Variants in MBOAT1 observed in about 807,000 individuals in gnomAD.
MBOAT1 encodes membrane-bound glycerophospholipid O-acyltransferase 1.
A neutral mutation model predicts 64.4 loss-of-function variants in MBOAT1; 67 were observed. The observed-to-expected ratio is 1.04, with a 90% confidence interval of 0.85 to 1.27. The LOEUF (loss-of-function observed/expected upper bound fraction) is 1.27, where lower values mean the gene tolerates loss of function less well. Ranked by LOEUF, MBOAT1 falls within the 50% of genes most tolerant of loss-of-function variation. The pLI, the probability that MBOAT1 is intolerant of heterozygous loss-of-function variation, is 0.00. For synonymous variants in MBOAT1, 229 were observed against 218.9 expected (o/e 1.05, Z -0.41); for missense variants, 563 against 604.6 (o/e 0.93, Z 0.72).
At chr6:20,107,779 A>G (rs1403629105) in intron 12 of MBOAT1, among the ~76,000 whole-genome samples, 1 of 150,614 alleles carries the variant, frequency 6.6e-6, no homozygotes, top group Non-Finnish European at 1.5e-5. Flanking sequence ...GGCTTAGAAT[A>G]CCAGGGCTTA....
rs758651792 is a variant in MBOAT1 at position 20,124,478 on chromosome 6, C to T, written c.837G>A (p.Pro279=). Residue 279 remains proline, a synonymous_variant, in exon 8 of 13, where the codon CCG becomes CCA. Coordinates refer to ENST00000324607, the MANE Select transcript of MBOAT1 (RefSeq NM_001080480.3). ...CAACATATAAGTAGCAGAGTCGAGCCGGAAAGCTTGCTTTATGGACAAACC... is the reference window on the plus strand; with the variant it reads ...CAACATATAAGTAGCAGAGTCGAGCTGGAAAGCTTGCTTTATGGACAAACC... ...DDWFVHKASF[P]ARLCYLYVVM... 9.9e-6 allele frequency: 16 copies of T among 1,614,040 alleles called. No homozygotes were observed. Among genetic ancestry groups the T allele is most frequent in the African/African-American group, 4.0e-5 (3 of 74,912 alleles).
chr6:20,207,149 A>C (rs1763289660), intron 1 of MBOAT1, among the ~76,000 whole-genome samples: 1 of 152,240 alleles, frequency 6.6e-6, no homozygotes, highest in African/African-American at 2.4e-5. Flanking sequence ...GATTATACTC[A>C]GCAGCTCATT....
chr6:20,113,420 G>C (rs968689032), intron 10 of MBOAT1, among the ~76,000 whole-genome samples: 1 of 152,042 alleles, frequency 6.6e-6, no homozygotes, highest in Non-Finnish European at 1.5e-5. Context: ...TCGGAATCAG[G>C]GTCTTTAGAA....
rs143568466 is a variant in MBOAT1 at position 20,140,937 on chromosome 6, ACT to A, written c.419+3281_419+3282del. ...GTATCTGTGGCCGCCAGCTACAAACACTCTGTGCACCAGGGACAAGATATGAC... is the reference window on the plus strand; with the variant it reads ...GTATCTGTGGCCGCCAGCTACAAACACTGTGCACCAGGGACAAGATATGAC... On this transcript the variant is annotated intron_variant, in intron 4 of 12. Transcript: ENST00000324607. Among the ~76,000 whole-genome samples the A allele has an allele frequency of 3.4e-4, 51 of 152,102 alleles. No homozygotes were observed. The East Asian group carries it at 7.5e-3, about 23-fold the overall frequency.
At chr6:20,153,036 G>A (rs1333582188) in intron 1 of MBOAT1, among the ~76,000 whole-genome samples, 3 of 152,134 alleles carry the variant, frequency 2.0e-5, no homozygotes, top group African/African-American at 4.8e-5. Context: ...GGGTTTCACC[G>A]TGTTAGCAAG....
chr6:20,190,274 T>G (rs1488489214), intron 1 of MBOAT1, among the ~76,000 whole-genome samples: 3 of 152,224 alleles, frequency 2.0e-5, no homozygotes, highest in Non-Finnish European at 4.4e-5. Flanking sequence ...ATTACAGGCA[T>G]GAGCCACTGT....
chr6:20,203,105 A>G (rs973296367), intron 1 of MBOAT1, among the ~76,000 whole-genome samples: 1 of 152,198 alleles, frequency 6.6e-6, no homozygotes, highest in Admixed American at 6.5e-5. Flanking sequence ...GGAGTTCAAG[A>G]CCAGCCTGGG....
At chr6:20,131,723 C>A (rs958485655) in intron 4 of MBOAT1, among the ~76,000 whole-genome samples, 10 of 152,052 alleles carry the variant, frequency 6.6e-5, no homozygotes, top group African/African-American at 2.4e-4. Context: ...TGAAATAAAC[C>A]ATTTTTATTT....
chr6:20,127,585 T>C (rs1760697264), intron 6 of MBOAT1, among the ~76,000 whole-genome samples: 1 of 152,122 alleles, frequency 6.6e-6, no homozygotes, highest in Admixed American at 6.5e-5. Flanking sequence ...GTGCAAACCC[T>C]ATGGTGAACC....
At chr6:20,172,783 G>A (rs1476859679) in intron 1 of MBOAT1, among the ~76,000 whole-genome samples, 5 of 152,132 alleles carry the variant, frequency 3.3e-5, no homozygotes, top group Non-Finnish European at 7.4e-5. Flanking sequence ...ATGATAGGAC[G>A]CTCAAAAATA....
chr6:20,210,792 G>A (rs1763397105), intron 1 of MBOAT1, among the ~76,000 whole-genome samples: 1 of 152,166 alleles, frequency 6.6e-6, no homozygotes, highest in South Asian at 2.1e-4. Context: ...TAGCTGTGTA[G>A]AAGAGCTTAG....
rs569980871 is a variant in MBOAT1 at position 20,130,376 on chromosome 6, T to C, written c.475+768A>G. Reference sequence around the variant, plus strand: ...GTTGTTGTTGTTGTTGTTGTTGTTATGGAGTCTCGCTCTGTCACCCAGGCT... The same window carrying C: ...GTTGTTGTTGTTGTTGTTGTTGTTACGGAGTCTCGCTCTGTCACCCAGGCT... On this transcript the variant is annotated intron_variant, in intron 5 of 12. Transcript: ENST00000324607. Among the ~76,000 whole-genome samples the C allele has an allele frequency of 5.9e-5, 9 of 152,264 alleles. No homozygotes were observed. The South Asian group carries it at 1.7e-3, about 28-fold the overall frequency.
chr6:20,132,979 T>G (rs1273293134), intron 4 of MBOAT1, among the ~76,000 whole-genome samples: 1 of 152,180 alleles, frequency 6.6e-6, no homozygotes, highest in Admixed American at 6.5e-5. Flanking sequence ...ATTTTCCACC[T>G]CTTGAAAATA....
chr6:20,111,859 C>CATATATATACAT (rs1554115576), intron 11 of MBOAT1, among the ~76,000 whole-genome samples: 24 of 108,568 alleles, frequency 2.2e-4, no homozygotes, highest in African/African-American at 9.3e-4. Flanking sequence ...TATATATATA[C>CATATATATACAT]ATATATATAC....
At chr6:20,147,511 T>C (rs1391540080) in intron 3 of MBOAT1, among the ~76,000 whole-genome samples, 2 of 152,154 alleles carry the variant, frequency 1.3e-5, no homozygotes, top group African/African-American at 2.4e-5. Context: ...TGGTGGTGCA[T>C]GCCTATAATC....
At chr6:20,152,571 T>C in intron 2 of MBOAT1, 53 bp downstream of exon 2, 1 of 1,555,828 alleles carries the variant, frequency 6.4e-7, no homozygotes, top group Non-Finnish European at 8.7e-7. Context: ...CCAAGGACAT[T>C]GCCACAAAAC....
At chr6:20,189,304 G>A (rs1762739151) in intron 1 of MBOAT1, among the ~76,000 whole-genome samples, 1 of 152,222 alleles carries the variant, frequency 6.6e-6, no homozygotes, top group Non-Finnish European at 1.5e-5. Flanking sequence ...CACATAGATT[G>A]TGGAATGGCT....
intron 1 of MBOAT1, among the ~76,000 whole-genome samples, chr6:20,166,845 A>G (rs943570): frequency 0.95 from 144,255 of 152,058 alleles, 68,889 homozygotes; most frequent in East Asian, 1. Context: ...AGGCTGAGGT[A>G]GGAGGATCAC....
At chr6:20,118,190 T>A (rs903885194) in intron 9 of MBOAT1, among the ~76,000 whole-genome samples, 1 of 152,124 alleles carries the variant, frequency 6.6e-6, no homozygotes, top group African/African-American at 2.4e-5. Context: ...GGGCTCTTTT[T>A]CAGATGTTTT....
Sources: gnomAD v4.1 joint callset for allele counts (sites outside exome capture counted in the v4.1 genomes callset) on GRCh38, gnomAD v4.1.1 for gene constraint, MANE v1.5 for transcripts, NCBI Gene and HGNC (gene_info 2026-07-23, HGNC 2026-07-21) for gene names.